The following GTPBP4 variants were observed in gnomAD, a reference collection of about 807,000 sequenced individuals.
GTPBP4 encodes the protein GTP binding protein 4.
A neutral mutation model predicts 81.7 loss-of-function variants in GTPBP4; 15 were observed. The observed-to-expected ratio is 0.18, with a 90% CI of 0.12 to 0.28. GTPBP4 has a LOEUF of 0.28. GTPBP4 is among the 10% of genes least tolerant of loss of function. The pLI, the probability that GTPBP4 is intolerant of heterozygous loss-of-function variation, is 1.00. For synonymous variants in GTPBP4, 272 were observed against 274.6 expected, an observed-to-expected ratio of 0.99 and a Z score of 0.09; for missense variants, 847 against 793.8, an observed-to-expected ratio of 1.07 and a Z score of -0.81.
chr10:1,003,049 A>G (rs1195981955), intron 8 of GTPBP4, among the ~76,000 whole-genome samples: 1 of 152,206 alleles, frequency 6.6e-6, no homozygotes, highest in African/African-American at 2.4e-5. Context: ...TAATGCCAGC[A>G]TGTATTCACT....
In GTPBP4 at chr10:988,544, G is replaced by T; in HGVS notation, c.48+17G>T. 6.2e-7 allele frequency: 1 copy of T among 1,600,870 alleles called. No homozygotes were observed. Among genetic ancestry groups the T allele is most frequent in the Non-Finnish European group, 8.6e-7 (1 of 1,168,962 alleles). ...TCCGCCAAGGTAGGCGGCCCCGGGA[G>T]GGCCACTGCAACTTTCGCGTTCTCC... is the stretch of plus-strand genomic sequence containing the variant. On this transcript the variant is annotated intron_variant, in intron 1 of 16. Coordinates refer to ENST00000360803, the MANE Select transcript of GTPBP4 (RefSeq NM_012341.3).
At chr10:1,000,348 C>G (rs180935646) in intron 6 of GTPBP4, among the ~76,000 whole-genome samples, 125 of 147,476 alleles carry the variant, frequency 8.5e-4, no homozygotes, top group Middle Eastern at 3.6e-3. Flanking sequence ...CGCCATTCTC[C>G]TACCTCAGCC....
intron 4 of GTPBP4, 133 bp downstream of exon 4, chr10:996,375 A>G (rs957860458): frequency 6.0e-6 from 4 of 665,952 alleles, no homozygotes; most frequent in Non-Finnish European, 7.3e-6. Context: ...AGCTTTACCT[A>G]TGAGAAACAG....
intron 10 of GTPBP4, chr10:1,007,362 C>T (rs1831761396): frequency 7.4e-6 from 3 of 405,304 alleles, no homozygotes. Context: ...TTTATCCTTC[C>T]AGAAATGTTT....
At chr10:988,582 C>G in intron 1 of GTPBP4, 55 bp downstream of exon 1, 1 of 1,376,852 alleles carries the variant, frequency 7.3e-7, no homozygotes, top group East Asian at 2.3e-5. Context: ...AGCTGGGTCC[C>G]CGGGGAGGGT....
chr10:1,005,999 C>T lies in GTPBP4; in HGVS notation c.1002+92C>T, dbSNP rs936078818. On this transcript the variant is annotated intron_variant, in intron 9 of 16. Transcript: ENST00000360803. ...GGGAGAAAATAGTTTTCTTTCTAGA[C>T]ATTGTTAACACTTGGAGCCCTCGCA... 4 of 725,668 alleles carry T rather than the reference C, an allele frequency of 5.5e-6. No homozygotes were observed. The East Asian group carries it at 7.8e-5, about 14-fold the overall frequency. The allele number at this position is 725,668 out of a possible 1,614,324, so 45.0% of individuals were successfully genotyped here.
At chr10:1,008,395 G>C (rs1831789445) in intron 10 of GTPBP4, 1 of 352,782 alleles carries the variant, frequency 2.8e-6, no homozygotes, top group African/African-American at 2.2e-5. Flanking sequence ...ACAAGAGTGA[G>C]ACTCTGTCAA....
intron 4 of GTPBP4, chr10:996,984 G>A: frequency 1.9e-6 from 1 of 530,810 alleles, no homozygotes; most frequent in East Asian, 3.4e-5. Flanking sequence ...TAGAAGGGCT[G>A]AGGAATATGA....
rs1210025937 is a variant in GTPBP4, at chr10:1,009,510, AT to A, written c.1192-16del. On this transcript the variant is annotated intron_variant, in intron 11 of 16. Transcript: ENST00000360803. Reference sequence around the variant, plus strand: ...GAAAGGCAAAATGAAGCTGATGATAATTTCTCTTTCTATTGCAGGAACGAGA... The same window carrying A: ...GAAAGGCAAAATGAAGCTGATGATAATTCTCTTTCTATTGCAGGAACGAGA... The A allele has an allele frequency of 1.9e-6, 3 of 1,575,532 alleles. No homozygotes were observed. The highest frequency in any genetic ancestry group is 2.6e-6 in the Non-Finnish European group (3 of 1,144,980).
At chr10:1,009,090 T>C (rs1044009613) in intron 11 of GTPBP4, 55 bp downstream of exon 11, 5 of 1,335,516 alleles carry the variant, frequency 3.7e-6, no homozygotes, top group Non-Finnish European at 5.4e-6. Context: ...AGGCTGTGTG[T>C]GCCCATCGTG....
chr10:1,017,169 T>G lies in GTPBP4; in HGVS notation c.1847T>G (p.Met616Arg), dbSNP rs1008462296. Residue 616 changes from methionine (M) to arginine (R), a missense_variant, in exon 17 of 17, where the codon ATG (methionine) becomes AGG (arginine). Physicochemically the swap from Met to Arg is moderately conservative, Grantham distance 91. This residue lies in a region of GTPBP4 where 600 missense variants were observed against 557.1 expected (regional missense o/e 1.08). Transcript: ENST00000360803. ...GAGGCGGATAGACACGTGTTTGATATGAAGCCCAAGCACTTGCTGTCTGGG... is the reference window on the plus strand; with the variant it reads ...GAGGCGGATAGACACGTGTTTGATAGGAAGCCCAAGCACTTGCTGTCTGGG... ...KGEADRHVFD[M>R]KPKHLLSGKR... The G allele has an allele frequency of 1.2e-6, 2 of 1,614,072 alleles. No homozygotes were observed. The highest frequency in any genetic ancestry group is 1.7e-6 in the Non-Finnish European group (2 of 1,179,912).
At chr10:1,003,703 T>G (rs1831678700) in intron 8 of GTPBP4, among the ~76,000 whole-genome samples, 2 of 152,228 alleles carry the variant, frequency 1.3e-5, no homozygotes. Context: ...GCCTCAGCTC[T>G]GGAAGTTTGT....
At chr10:1,006,377 G>A (rs747117160) in intron 9 of GTPBP4, among the ~76,000 whole-genome samples, 6 of 152,164 alleles carry the variant, frequency 3.9e-5, no homozygotes, top group African/African-American at 9.7e-5. Flanking sequence ...AGTGGCTCAC[G>A]CCTGTAATCC....
chr10:990,590 G>T (rs1463616620), intron 1 of GTPBP4, among the ~76,000 whole-genome samples: 3 of 151,536 alleles, frequency 2.0e-5, no homozygotes, highest in Non-Finnish European at 4.4e-5. Context: ...AGGCGTGGTG[G>T]CGGGCGCCTG....
intron 4 of GTPBP4, 52 bp downstream of exon 4, chr10:996,294 C>T (rs754082967): frequency 4.3e-5 from 66 of 1,532,762 alleles, no homozygotes; most frequent in Non-Finnish European, 5.2e-5. Flanking sequence ...TGAGAGGATG[C>T]GTCCTTGTTG....
At chr10:1,013,233 C>G (rs1022219556) in intron 14 of GTPBP4, among the ~76,000 whole-genome samples, 1 of 151,992 alleles carries the variant, frequency 6.6e-6, no homozygotes, top group Non-Finnish European at 1.5e-5. Flanking sequence ...ATCTGCCTGC[C>G]TTGGCCTCCC....
At chr10:1,014,437 A>T in intron 15 of GTPBP4, 125 bp downstream of exon 15, 1 of 654,078 alleles carries the variant, frequency 1.5e-6, no homozygotes, top group South Asian at 1.5e-5. Context: ...CGGGCAGATC[A>T]TGATGTCAGG....
intron 8 of GTPBP4, among the ~76,000 whole-genome samples, chr10:1,003,232 A>G (rs1589026872): frequency 6.6e-6 from 1 of 151,900 alleles, no homozygotes; most frequent in African/African-American, 2.4e-5. Flanking sequence ...CAGCTACAGG[A>G]TTTCTGTTTG....
chr10:999,678 G>A (rs993846198), intron 6 of GTPBP4, among the ~76,000 whole-genome samples: 1 of 152,210 alleles, frequency 6.6e-6, no homozygotes, highest in African/African-American at 2.4e-5. Context: ...CGTGAAGCAG[G>A]CTGGGCACAG....
Sources: gnomAD v4.1 joint callset for allele counts (sites outside exome capture counted in the v4.1 genomes callset) on GRCh38, gnomAD v4.1.1 for gene constraint, gnomAD v4.1.1 regional missense constraint, MANE v1.5 for transcripts, NCBI Gene and HGNC (gene_info 2026-07-23, HGNC 2026-07-21) for gene names.